UVRAG: variants seen among roughly 807,000 people sequenced by gnomAD.
UVRAG encodes UV radiation resistance-associated gene protein.
UVRAG carries 19 observed loss-of-function variants against 78.0 expected under a neutral mutation model. The ratio of observed to expected loss-of-function variants is 0.24; its 90% CI spans 0.17 to 0.36. UVRAG has a LOEUF of 0.36. Ranked by LOEUF, UVRAG falls within the 10% of genes least tolerant of loss-of-function variation. The pLI, the probability that UVRAG is intolerant of heterozygous loss-of-function variation, is 1.00. For synonymous variants in UVRAG, 323 were observed against 324.6 expected (o/e 1.00, Z 0.05); for missense variants, 740 against 853.8 (o/e 0.87, Z 1.66).
intron 4 of UVRAG, among the ~76,000 whole-genome samples, chr11:75,883,816 G>A (rs1217651004): frequency 1.3e-5 from 2 of 152,140 alleles, no homozygotes; most frequent in African/African-American, 2.4e-5. Flanking sequence ...CAATTTACAT[G>A]TCATAAAATC....
chr11:75,826,296 C>T (rs899264573), intron 1 of UVRAG, among the ~76,000 whole-genome samples: 48 of 152,152 alleles, frequency 3.2e-4, no homozygotes, highest in African/African-American at 1.1e-3. Flanking sequence ...GCTGATATTA[C>T]AGGTGCCCAC....
At chr11:76,129,661 C>T (rs1952477297) in intron 14 of UVRAG, among the ~76,000 whole-genome samples, 2 of 152,186 alleles carry the variant, frequency 1.3e-5, no homozygotes, top group Admixed American at 6.5e-5. Context: ...TCCTTTTCTT[C>T]CTCACCCTTA....
intron 6 of UVRAG, among the ~76,000 whole-genome samples, chr11:75,957,016 TA>T (rs932912115): frequency 1.3e-5 from 2 of 152,088 alleles, no homozygotes; most frequent in African/African-American, 2.4e-5. Context: ...TTTTTTTTTT[TA>T]AATTTTCCTA....
chr11:75,816,730 G>A (rs1945269726), intron 1 of UVRAG, among the ~76,000 whole-genome samples: 2 of 152,188 alleles, frequency 1.3e-5, no homozygotes. Flanking sequence ...GACAGAGTGA[G>A]TTCTTTCATA....
intron 6 of UVRAG, 112 bp downstream of exon 6, chr11:75,912,151 T>G: frequency 1.4e-6 from 1 of 719,310 alleles, no homozygotes; most frequent in Non-Finnish European, 2.4e-6. Flanking sequence ...TATTCAAGCT[T>G]AGCATTTTTT....
intron 13 of UVRAG, among the ~76,000 whole-genome samples, chr11:76,087,548 C>T (rs556958531): frequency 6.6e-6 from 1 of 152,200 alleles, no homozygotes; most frequent in East Asian, 1.9e-4. Context: ...AGCATGAGGA[C>T]TGTAATATAG....
intron 1 of UVRAG, among the ~76,000 whole-genome samples, chr11:75,816,059 T>C (rs1474647294): frequency 5.9e-5 from 9 of 152,248 alleles, no homozygotes; most frequent in Non-Finnish European, 1.3e-4. Flanking sequence ...TCGGCCTCTT[T>C]AGAGAAATGT....
At chr11:75,943,908 T>G (rs1350987889) in intron 6 of UVRAG, among the ~76,000 whole-genome samples, 1 of 152,170 alleles carries the variant, frequency 6.6e-6, no homozygotes, top group Non-Finnish European at 1.5e-5. Flanking sequence ...CCTGGTCTTT[T>G]GGGAAACTAT....
In UVRAG at chr11:76,080,845, T is replaced by C. The variant is rs12791073; in HGVS notation, c.1305+15057T>C. Among the ~76,000 whole-genome samples the C allele has an allele frequency of 6.6e-3, 1,005 of 152,334 alleles. 8 individuals carry two copies. Among genetic ancestry groups the C allele is most frequent in the Non-Finnish European group, 0.011 (751 of 68,024 alleles). On this transcript the variant is annotated intron_variant, in intron 13 of 14. Coordinates refer to ENST00000356136, the MANE Select transcript of UVRAG (RefSeq NM_003369.4). The stretch of plus-strand genomic sequence containing the variant: ...TAGCTGAGTATGTTTCCAGACAGTA[T>C]ATGTGGTTAGGAGAACAAGTACAGA...
chr11:75,822,704 C>T (rs1390465222), intron 1 of UVRAG, among the ~76,000 whole-genome samples: 2 of 150,050 alleles, frequency 1.3e-5, no homozygotes, highest in Non-Finnish European at 3.0e-5. Flanking sequence ...ACACAGGATA[C>T]AGACGAGCAG....
At chr11:75,886,357 T>A (rs974717336) in intron 4 of UVRAG, among the ~76,000 whole-genome samples, 5 of 152,166 alleles carry the variant, frequency 3.3e-5, no homozygotes, top group African/African-American at 4.8e-5. Flanking sequence ...TTTGGAAAAT[T>A]TAGAAAAGCA....
intron 4 of UVRAG, among the ~76,000 whole-genome samples, chr11:75,885,920 C>G (rs1002531261): frequency 4.0e-5 from 6 of 149,744 alleles, no homozygotes; most frequent in Admixed American, 2.6e-4. Context: ...TCCAAAAATA[C>G]TTTCATATCT....
At chr11:75,849,718 G>A (rs941675387) in intron 1 of UVRAG, among the ~76,000 whole-genome samples, 2 of 152,188 alleles carry the variant, frequency 1.3e-5, no homozygotes, top group Middle Eastern at 3.4e-3. Context: ...AATAAAGGCC[G>A]AACAAAATAA....
intron 13 of UVRAG, among the ~76,000 whole-genome samples, chr11:76,113,510 G>A (rs1391943315): frequency 4.6e-5 from 7 of 151,672 alleles, no homozygotes; most frequent in South Asian, 4.2e-4. Flanking sequence ...TCAGAGTTTG[G>A]GGTAGATAGT....
intron 2 of UVRAG, among the ~76,000 whole-genome samples, chr11:75,861,171 C>T (rs1335849469): frequency 6.6e-6 from 1 of 152,182 alleles, no homozygotes; most frequent in Non-Finnish European, 1.5e-5. Context: ...CTTCAATTAT[C>T]TGTTCAATTC....
intron 9 of UVRAG, among the ~76,000 whole-genome samples, chr11:76,005,810 T>G (rs977509969): frequency 2.0e-5 from 3 of 152,234 alleles, no homozygotes; most frequent in African/African-American, 7.2e-5. Context: ...CAGAGAAACA[T>G]TTACTTAACC....
At position 75,861,727 on chromosome 11, in the gene UVRAG, C is replaced by T; in HGVS notation, c.236-19C>T. On this transcript the variant is annotated intron_variant, in intron 2 of 14. Coordinates refer to ENST00000356136, the MANE Select transcript of UVRAG (RefSeq NM_003369.4). ...ATTTTCTTTCATATCACTTATTGTT[C>T]TTTTTTCTTCTTTTCCAGAATTTTA... The T allele has an allele frequency of 6.3e-7, 1 of 1,580,418 alleles. No individual in the cohort carries two copies. The highest frequency in any genetic ancestry group is 8.7e-7 in the Non-Finnish European group (1 of 1,153,654).
At chr11:76,013,661 G>C (rs1950094647) in intron 11 of UVRAG, among the ~76,000 whole-genome samples, 1 of 152,210 alleles carries the variant, frequency 6.6e-6, no homozygotes, top group Non-Finnish European at 1.5e-5. Context: ...ATTGGCAACA[G>C]AATGTGACAT....
intron 14 of UVRAG, among the ~76,000 whole-genome samples, chr11:76,139,050 G>T (rs1298303210): frequency 6.6e-6 from 1 of 152,166 alleles, no homozygotes; most frequent in Admixed American, 6.5e-5. Flanking sequence ...TAATTTACTA[G>T]TCTACTTGCC....
Sources: allele counts gnomAD v4.1 joint callset (sites outside exome capture counted in the v4.1 genomes callset), GRCh38; gene constraint gnomAD v4.1.1; transcripts MANE v1.5; gene names NCBI Gene and HGNC (gene_info 2026-07-23, HGNC 2026-07-21).